The following TRAF2 variants were observed in gnomAD, a reference collection of about 807,000 sequenced individuals.
TRAF2 encodes the protein TNF receptor-associated factor 2.
TRAF2 carries 6 observed loss-of-function variants against 55.6 expected under a neutral mutation model. The ratio of observed to expected loss-of-function variants is 0.11; its 90% confidence interval spans 0.06 to 0.21. The LOEUF (loss-of-function observed/expected upper bound fraction) is 0.21. Among genes scored for constraint, TRAF2 ranks in the 10% least tolerant of loss-of-function variants. The pLI, the probability that TRAF2 is intolerant of heterozygous loss-of-function variation, is 1.00. For missense variants in TRAF2, 561 were observed against 684.5 expected, an observed-to-expected ratio of 0.82 and a Z score of 2.01; for synonymous variants, 329 against 276.3, an observed-to-expected ratio of 1.19 and a Z score of -1.89.
intron 9 of TRAF2, among the ~76,000 whole-genome samples, 172 bp from the exon 10 acceptor site, chr9:136,923,680 C>A (rs1243301168): frequency 7.3e-6 from 1 of 136,830 alleles, no homozygotes; most frequent in East Asian, 2.2e-4. Context: ...AATTTGTTTT[C>A]ATTGGAAACT....
At chr9:136,896,276 A>G (rs1213231264) in intron 1 of TRAF2, among the ~76,000 whole-genome samples, 2 of 152,218 alleles carry the variant, frequency 1.3e-5, no homozygotes, top group African/African-American at 4.8e-5. Context: ...AAGGAGGAGC[A>G]TGGCAGGCGA....
chr9:136,884,246 C>T (rs1038507074), upstream of TRAF2, among the ~76,000 whole-genome samples: 2 of 150,786 alleles, frequency 1.3e-5, no homozygotes, highest in African/African-American at 4.9e-5. Context: ...CCGTGCCTGG[C>T]TGTTTTTTCT....
intron 1 of TRAF2, among the ~76,000 whole-genome samples, chr9:136,894,047 C>CTTTTTTT (rs11415604): frequency 8.6e-6 from 1 of 116,836 alleles, no homozygotes. Context: ...TGCGCCTGGC[C>CTTTTTTT]TTTTTTTTTT....
chr9:136,896,672 G>A (rs967950663), intron 1 of TRAF2, among the ~76,000 whole-genome samples: 2 of 151,842 alleles, frequency 1.3e-5, no homozygotes, highest in Non-Finnish European at 2.9e-5. Context: ...GTGGAGTCTC[G>A]CTCTGTCACC....
chr9:136,897,311 A>AGGC (rs1849702027), intron 1 of TRAF2, among the ~76,000 whole-genome samples: 1 of 140,178 alleles, frequency 7.1e-6, no homozygotes, highest in South Asian at 2.3e-4. Flanking sequence ...GCTTAGGCAG[A>AGGC]AGGAGAGGGC....
At chr9:136,906,908 G>T in intron 4 of TRAF2, among the ~76,000 whole-genome samples, 1 of 152,218 alleles carries the variant, frequency 6.6e-6, no homozygotes, top group Non-Finnish European at 1.5e-5. Flanking sequence ...GACTGCTGCG[G>T]CTTCCCAACC....
At position 136,908,061 on chromosome 9, in the gene TRAF2, C is replaced by T. The variant is rs1430596181; in HGVS notation, c.367-9C>T. 1.1e-5 allele frequency: 18 copies of T among 1,596,120 alleles called. No homozygotes were observed. Among genetic ancestry groups the T allele is most frequent in the Admixed American group, 1.7e-5 (1 of 58,148 alleles). On this transcript the variant is annotated splice_polypyrimidine_tract_variant and intron_variant, in intron 4 of 10. Transcript: ENST00000247668. ...GAGTTCTACTGACGCTTCCTCCTTT[C>T]GTTGCTAGAGCTGCCACGAAGGCCG...
chr9:136,885,323 G>A (rs761384261), upstream of TRAF2, among the ~76,000 whole-genome samples: 1 of 152,132 alleles, frequency 6.6e-6, no homozygotes. Flanking sequence ...CTGCAAAGCG[G>A]GGTGAAAGGT....
At chr9:136,888,440 C>T (rs916520124) in intron 1 of TRAF2, among the ~76,000 whole-genome samples, 10 of 152,074 alleles carry the variant, frequency 6.6e-5, no homozygotes, top group African/African-American at 1.7e-4. Flanking sequence ...CAAAAAGAAT[C>T]GGGTGCCACC....
chr9:136,926,074 G>A lies in TRAF2; in HGVS notation c.*173G>A. The stretch of plus-strand genomic sequence containing the variant: ...ACTGTCACGGGGGAAGGAGCCACCA[G>A]CCAGTCCTCAGATTTCAGAGACTGC... On this transcript the variant is annotated 3_prime_UTR_variant, in exon 11 of 11. Transcript: ENST00000247668. The A allele has an allele frequency of 3.6e-6, 3 of 835,624 alleles. No individual in the cohort carries two copies. Among genetic ancestry groups the A allele is most frequent in the Non-Finnish European group, 6.1e-6 (3 of 488,572 alleles). 51.8% of individuals were successfully genotyped at this position (835,624 alleles called of 1,614,324 possible).
chr9:136,911,866 T>C (rs1241782559), intron 6 of TRAF2, among the ~76,000 whole-genome samples: 1 of 141,508 alleles, frequency 7.1e-6, no homozygotes, highest in South Asian at 2.4e-4. Context: ...TTTTTTTTTT[T>C]TGAGATGGAG....
chr9:136,896,035 C>G (rs1042483036), intron 1 of TRAF2, among the ~76,000 whole-genome samples: 1 of 152,086 alleles, frequency 6.6e-6, no homozygotes, highest in African/African-American at 2.4e-5. Context: ...ATGCCCCTGT[C>G]CTTCCTCCAC....
chr9:136,892,696 A>G (rs1307097469), intron 1 of TRAF2, among the ~76,000 whole-genome samples: 1 of 152,024 alleles, frequency 6.6e-6, no homozygotes, highest in African/African-American at 2.4e-5. Context: ...CCTGGCCAAC[A>G]TGGTGAAACC....
chr9:136,921,779 G>T (rs986241586), intron 9 of TRAF2, among the ~76,000 whole-genome samples: 2 of 152,102 alleles, frequency 1.3e-5, no homozygotes, highest in African/African-American at 2.4e-5. Context: ...CTGGAGAGGG[G>T]GTGGGGTGGT....
chr9:136,892,113 AT>A (rs1849592746), intron 1 of TRAF2, among the ~76,000 whole-genome samples: 1 of 152,066 alleles, frequency 6.6e-6, no homozygotes, highest in Non-Finnish European at 1.5e-5. Flanking sequence ...GGTTCTTCAC[AT>A]TTTATATCCT....
intron 5 of TRAF2, among the ~76,000 whole-genome samples, chr9:136,908,786 C>T (rs547012796): frequency 2.0e-5 from 3 of 148,206 alleles, no homozygotes; most frequent in South Asian, 2.2e-4. Context: ...GGGAGAATGG[C>T]GTGAACCCAG....
upstream of TRAF2, among the ~76,000 whole-genome samples, chr9:136,882,411 G>A (rs1033771907): frequency 2.0e-5 from 3 of 152,190 alleles, no homozygotes; most frequent in Non-Finnish European, 2.9e-5. Flanking sequence ...TGGCATCCAC[G>A]GCAGCATCTG....
chr9:136,907,945 G>A (rs550126450), intron 4 of TRAF2, 125 bp from the exon 5 acceptor site: 1 of 1,236,576 alleles, frequency 8.1e-7, no homozygotes, highest in South Asian at 1.4e-5. Context: ...TCTGCAGAGG[G>A]CGGCCCCCAG....
At chr9:136,920,992 C>G in intron 8 of TRAF2, 46 bp from the exon 9 acceptor site, 1 of 1,605,020 alleles carries the variant, frequency 6.2e-7, no homozygotes, top group Non-Finnish European at 8.5e-7. Flanking sequence ...GGGGCTCGTG[C>G]CCGCACCCCT....
Sources: gnomAD v4.1 joint callset for allele counts (sites outside exome capture counted in the v4.1 genomes callset) on GRCh38, gnomAD v4.1.1 for gene constraint, MANE v1.5 for transcripts, NCBI Gene and HGNC (gene_info 2026-07-23, HGNC 2026-07-21) for gene names.